Variants in DGKB observed in about 807,000 individuals in gnomAD.
DGKB encodes 90 kDa diacylglycerol kinase.
Under a neutral mutation model 114.3 loss-of-function variants are expected in DGKB, and 67 were observed. The observed-to-expected ratio is 0.59, with a 90% confidence interval of 0.48 to 0.72. The LOEUF (loss-of-function observed/expected upper bound fraction) is 0.72, where lower values mean the gene tolerates loss of function less well. Ranked by LOEUF, DGKB falls within the 30% of genes least tolerant of loss-of-function variation. The pLI, the probability that DGKB is intolerant of heterozygous loss-of-function variation, is 0.00. For missense variants in DGKB, 907 were observed against 975.2 expected, an observed-to-expected ratio of 0.93 and a Z score of 0.93; for synonymous variants, 398 against 323.1, an observed-to-expected ratio of 1.23 and a Z score of -2.49.
intron 21 of DGKB, among the ~76,000 whole-genome samples, chr7:14,421,652 C>G (rs918618282): frequency 1.3e-5 from 2 of 152,030 alleles, no homozygotes; most frequent in Admixed American, 6.6e-5. Context: ...CACTCAGTCT[C>G]AAAATGCAAT....
chr7:14,266,895 C>T (rs1797595330), intron 23 of DGKB, among the ~76,000 whole-genome samples: 1 of 152,172 alleles, frequency 6.6e-6, no homozygotes, highest in African/African-American at 2.4e-5. Context: ...AATACTTAAG[C>T]AGACTGATGT....
In DGKB at chr7:14,332,455, T is replaced by C. The variant is rs755162986; in HGVS notation, c.2122+6060A>G. Among the ~76,000 whole-genome samples, 153 of 152,314 alleles carry C rather than the reference T, an allele frequency of 1.0e-3. 1 individual carries two copies. Among genetic ancestry groups the C allele is most frequent in the Non-Finnish European group, 1.9e-3 (126 of 68,026 alleles). ...TGGGGCTATGCAAACACTATCAAGG[T>C]GGTGAAAACTGCAGCAGCTGAGTGT... On this transcript the variant is annotated intron_variant, in intron 23 of 25. Transcript: ENST00000402815.
At chr7:14,258,056 C>T (rs1796210448) in intron 23 of DGKB, among the ~76,000 whole-genome samples, 1 of 152,130 alleles carries the variant, frequency 6.6e-6, no homozygotes, top group Admixed American at 6.5e-5. Flanking sequence ...TTATAAGTTA[C>T]CCAGTCTCAG....
intron 20 of DGKB, among the ~76,000 whole-genome samples, chr7:14,546,433 A>G (rs1050108068): frequency 6.6e-6 from 1 of 152,142 alleles, no homozygotes; most frequent in Non-Finnish European, 1.5e-5. Context: ...TTCTGAAACA[A>G]CTGAGACTTG....
At chr7:14,667,026 G>A (rs1420401154) in intron 13 of DGKB, among the ~76,000 whole-genome samples, 1 of 151,812 alleles carries the variant, frequency 6.6e-6, no homozygotes, top group African/African-American at 2.4e-5. Context: ...CATTTTTATG[G>A]CAACAGCCAT....
At chr7:14,878,461 G>C (rs759475203) in intron 1 of DGKB, among the ~76,000 whole-genome samples, 13 of 152,024 alleles carry the variant, frequency 8.6e-5, no homozygotes, top group Non-Finnish European at 1.6e-4. Context: ...ATATCAAAGA[G>C]TTGGCCAGGC....
chr7:14,211,389 CTCA>C (rs1787844020), intron 23 of DGKB, among the ~76,000 whole-genome samples: 2 of 93,294 alleles, frequency 2.1e-5, no homozygotes, highest in South Asian at 7.2e-4. Context: ...TGATTTTACT[CTCA>C]TGTTTTGTGA....
intron 2 of DGKB, among the ~76,000 whole-genome samples, chr7:14,834,532 G>GCT (rs142125920): frequency 2.2e-4 from 33 of 150,848 alleles, no homozygotes; most frequent in African/African-American, 5.1e-4. Context: ...AGTCACGAGT[G>GCT]CTCTCTCTCT....
chr7:14,384,492 A>C (rs1225047720), intron 21 of DGKB, among the ~76,000 whole-genome samples: 1 of 151,974 alleles, frequency 6.6e-6, no homozygotes, highest in Non-Finnish European at 1.5e-5. Context: ...ATCTGGATTC[A>C]TACAGACAAT....
chr7:14,229,923 T>C (rs1342193739), intron 23 of DGKB, among the ~76,000 whole-genome samples: 1 of 152,004 alleles, frequency 6.6e-6, no homozygotes, highest in Non-Finnish European at 1.5e-5. Flanking sequence ...CAAAAGTCAA[T>C]GTAGTTTGTA....
chr7:14,184,240 G>A (rs1007576192), intron 23 of DGKB, among the ~76,000 whole-genome samples: 1 of 152,144 alleles, frequency 6.6e-6, no homozygotes, highest in African/African-American at 2.4e-5. Context: ...ACAGGGAGAA[G>A]GAAATCTCTA....
intron 21 of DGKB, among the ~76,000 whole-genome samples, chr7:14,462,119 G>A (rs1833171465): frequency 1.3e-5 from 2 of 152,108 alleles, no homozygotes; most frequent in Admixed American, 6.5e-5. Context: ...AATAATAAGA[G>A]CTATTTATGA....
At chr7:14,368,038 T>C (rs1372041531) in intron 21 of DGKB, among the ~76,000 whole-genome samples, 12 of 152,148 alleles carry the variant, frequency 7.9e-5, no homozygotes, top group Non-Finnish European at 1.0e-4. Flanking sequence ...TTTCTTTTTT[T>C]AATTTTAATT....
intron 23 of DGKB, chr7:14,269,062 G>T (rs1797913616): frequency 6.6e-6 from 1 of 152,154 alleles, no homozygotes; most frequent in Admixed American, 6.5e-5. Flanking sequence ...TTCCATGATG[G>T]CTCATTTGCG....
rs115712491 is a variant in DGKB at position 14,738,233 on chromosome 7, C to T, written c.169-2039G>A. Among the ~76,000 whole-genome samples the T allele has an allele frequency of 8.2e-3, 1,244 of 152,280 alleles. 13 individuals are homozygous for T. Among genetic ancestry groups the T allele is most frequent in the African/African-American group, 0.028 (1,151 of 41,546 alleles). Reference sequence around the variant, plus strand: ...ACATGTATGAAGGCCCATGAGGAACCAGGAGTTGATTTTATTGCAAAGTTG... The same window carrying T: ...ACATGTATGAAGGCCCATGAGGAACTAGGAGTTGATTTTATTGCAAAGTTG... On this transcript the variant is annotated intron_variant, in intron 4 of 25. Transcript: ENST00000402815.
chr7:14,252,897 T>C (rs1003517316), intron 23 of DGKB, among the ~76,000 whole-genome samples: 1 of 152,190 alleles, frequency 6.6e-6, no homozygotes, highest in Non-Finnish European at 1.5e-5. Context: ...GTGTTGCGTG[T>C]AAGGGGAAAA....
Position 14,400,775 on chromosome 7 carries a change from T to C in DGKB, c.1836-55384A>G, listed in dbSNP as rs373864938. Among the ~76,000 whole-genome samples the C allele has an allele frequency of 2.5e-3, 363 of 147,888 alleles. 3 individuals are homozygous for C. The highest frequency in any genetic ancestry group is 0.024 in the Middle Eastern group (7 of 286). ...GAGATGAAATTTATTAATCCTGAAA[T>C]GTGGCTTAAGGACATATTTATATGT... is the stretch of plus-strand genomic sequence containing the variant. On this transcript the variant is annotated intron_variant, in intron 21 of 25. Transcript: ENST00000402815.
rs371892982 is a variant in DGKB at position 14,160,929 on chromosome 7, A to G, written c.2305-11691T>C. Among the ~76,000 whole-genome samples the G allele has an allele frequency of 1.4e-4, 22 of 152,218 alleles. 2 individuals are homozygous for G. Among genetic ancestry groups the G allele is most frequent in the Admixed American group, 1.3e-3 (20 of 15,274 alleles). Reference sequence around the variant, plus strand: ...GGTACTGGTACCAAAACAGATATATAGACCAATGGAACAAGGAACTTAAAC... The same window carrying G: ...GGTACTGGTACCAAAACAGATATATGGACCAATGGAACAAGGAACTTAAAC... On this transcript the variant is annotated intron_variant, in intron 25 of 25. Transcript: ENST00000402815.
chr7:14,928,538 C>T (rs6965775), intron 1 of DGKB, among the ~76,000 whole-genome samples: 21,624 of 151,852 alleles, frequency 0.14, 1,631 homozygotes, highest in Admixed American at 0.2. Context: ...AGTGCCTCAT[C>T]CTACTGTTAT....
Sources: allele counts gnomAD v4.1 joint callset (sites outside exome capture counted in the v4.1 genomes callset), GRCh38; gene constraint gnomAD v4.1.1; transcripts MANE v1.5; gene names NCBI Gene and HGNC (gene_info 2026-07-23, HGNC 2026-07-21).